NINL: variants seen among roughly 807,000 people sequenced by gnomAD.
NINL encodes ninein like.
NINL carries 153 observed loss-of-function variants against 160.3 expected under a neutral mutation model. That is an observed-to-expected ratio of 0.95 (90% confidence interval 0.84 to 1.09). NINL has a LOEUF of 1.09. Among genes scored for constraint, NINL ranks in the 50% least tolerant of loss-of-function variants. The pLI is 0.00. For missense variants in NINL, 1,829 were observed against 1,764.0 expected, an observed-to-expected ratio of 1.04 and a Z score of -0.66; for synonymous variants, 800 against 734.8, an observed-to-expected ratio of 1.09 and a Z score of -1.43.
At chr20:25,583,830 T>G (rs914342781) in intron 1 of NINL, among the ~76,000 whole-genome samples, 3 of 152,146 alleles carry the variant, frequency 2.0e-5, no homozygotes, top group African/African-American at 7.2e-5. Context: ...TGCAGGGACA[T>G]GCATAAAGTG....
chr20:25,488,288 C>T (rs986980405), intron 13 of NINL, among the ~76,000 whole-genome samples: 16 of 152,086 alleles, frequency 1.1e-4, no homozygotes, highest in Non-Finnish European at 8.8e-5. Flanking sequence ...TACAGTGGTG[C>T]GATCTCGGCT....
In NINL at chr20:25,500,939, G is replaced by T; in HGVS notation, c.933C>A (p.Leu311=). Reference sequence around the variant, plus strand: ...CAGAACCATCGTCAATGCTGGAGAAGAGGCGCAGGCTGGAGCACAGGGACA... The same window carrying T: ...CAGAACCATCGTCAATGCTGGAGAATAGGCGCAGGCTGGAGCACAGGGACA... ...SLVSLCSSLR[L]FSSIDDGSGF... Residue 311 remains leucine (L), a synonymous_variant, in exon 8 of 24, where the codon CTC becomes CTA. Coordinates refer to ENST00000278886, the MANE Select transcript of NINL (RefSeq NM_025176.6). 6.2e-7 allele frequency: 1 copy of T among 1,614,236 alleles called. No individual in the cohort carries two copies. The highest frequency in any genetic ancestry group is 8.5e-7 in the Non-Finnish European group (1 of 1,180,044).
intron 1 of NINL, among the ~76,000 whole-genome samples, chr20:25,544,159 A>G (rs1232427505): frequency 6.9e-6 from 1 of 144,142 alleles, no homozygotes; most frequent in African/African-American, 2.8e-5. Context: ...ACTCACACAT[A>G]TTCTCACTTC....
chr20:25,578,084 G>A (rs1186602151), intron 1 of NINL, among the ~76,000 whole-genome samples: 2 of 149,046 alleles, frequency 1.3e-5, no homozygotes, highest in African/African-American at 2.5e-5. Flanking sequence ...TGCCTGCCTC[G>A]GCCTCCCAAA....
At chr20:25,494,961 G>A (rs1056905974) in intron 10 of NINL, among the ~76,000 whole-genome samples, 4 of 152,194 alleles carry the variant, frequency 2.6e-5, no homozygotes, top group Admixed American at 1.3e-4. Flanking sequence ...ACACACGCAC[G>A]CTCACTGCTG....
At chr20:25,511,450 C>T (rs1327830179) in intron 4 of NINL, among the ~76,000 whole-genome samples, 2 of 152,228 alleles carry the variant, frequency 1.3e-5, no homozygotes, top group Non-Finnish European at 2.9e-5. Context: ...TGTTGTGTGT[C>T]CCCACAACTG....
intron 1 of NINL, among the ~76,000 whole-genome samples, chr20:25,579,073 C>T (rs2147201298): frequency 6.6e-6 from 1 of 152,254 alleles, no homozygotes; most frequent in East Asian, 1.9e-4. Context: ...TAAGTCACAG[C>T]TTTTCTCTAG....
intron 1 of NINL, among the ~76,000 whole-genome samples, chr20:25,572,723 A>G (rs1011764665): frequency 5.9e-5 from 9 of 152,234 alleles, no homozygotes; most frequent in Non-Finnish European, 1.2e-4. Context: ...AAGTTTTTCC[A>G]TGAAATAAGT....
chr20:25,465,044 G>A (rs576311648), intron 19 of NINL, among the ~76,000 whole-genome samples: 140 of 152,352 alleles, frequency 9.2e-4, no homozygotes, highest in African/African-American at 3.1e-3. Flanking sequence ...GATGTCAGCA[G>A]CTGTCTCCTG....
chr20:25,458,312 C>T, intron 22 of NINL, 71 bp downstream of exon 22: 2 of 1,580,856 alleles, frequency 1.3e-6, no homozygotes, highest in Non-Finnish European at 8.6e-7. Context: ...TTCTGGGTAA[C>T]TGAGGACCGG....
chr20:25,468,283 C>T (rs900833612), intron 18 of NINL, among the ~76,000 whole-genome samples: 1 of 151,832 alleles, frequency 6.6e-6, no homozygotes, highest in African/African-American at 2.4e-5. Flanking sequence ...CACCCCCCTG[C>T]TCAGTCCCTT....
At chr20:25,459,993 C>T (rs1347631494) in intron 21 of NINL, among the ~76,000 whole-genome samples, 1 of 152,156 alleles carries the variant, frequency 6.6e-6, no homozygotes, top group Admixed American at 6.5e-5. Context: ...TGAGTGCAGC[C>T]ACCCTTCCTG....
intron 8 of NINL, 22 bp downstream of exon 8, chr20:25,500,818 T>A: frequency 1.2e-6 from 2 of 1,608,470 alleles, no homozygotes; most frequent in Non-Finnish European, 1.7e-6. Context: ...CTGTCCAGCT[T>A]AGGCATCACC....
rs564619834 is a variant in NINL, at chr20:25,537,144, G to A, written c.-11-10546C>T. On this transcript the variant is annotated intron_variant, in intron 1 of 23. Transcript: ENST00000278886. ...CTCTTGTTGGCTGGGGTGCAGTGGC[G>A]TTGATCACGGCTCACTGCATCCTCA... Among the ~76,000 whole-genome samples, 15 of 152,220 alleles carry A rather than the reference G, an allele frequency of 9.9e-5. No homozygotes were observed. The South Asian group carries it at 2.5e-3, about 25-fold the overall frequency.
chr20:25,489,094 A>G, intron 13 of NINL, 150 bp downstream of exon 13: 1 of 738,708 alleles, frequency 1.4e-6, no homozygotes, highest in South Asian at 1.6e-5. Context: ...GGGAACCCTA[A>G]GTCTAGGAGT....
rs1461253676 is a variant in NINL at position 25,453,628 on chromosome 20, C to T, written c.3972G>A (p.Thr1324=). 1.9e-6 allele frequency: 3 copies of T among 1,605,400 alleles called. No homozygotes were observed. The highest frequency in any genetic ancestry group is 1.1e-5 in the South Asian group (1 of 89,848). The change falls in exon 24 of 24, where the codon ACG becomes ACA. Residue 1324 remains threonine (T), a synonymous_variant. Transcript: ENST00000278886. ...GCTCCTTCAGCAGCAGGTCGGACTTCGTGTTCTTTTCAAACTAGAGAGGGG... is the reference window on the plus strand; with the variant it reads ...GCTCCTTCAGCAGCAGGTCGGACTTTGTGTTCTTTTCAAACTAGAGAGGGG... ...DKLKEQFEKN[T]KSDLLLKELY... is the part of the protein sequence containing the mutation.
rs77862813 is a variant in NINL at position 25,496,355 on chromosome 20, C to T, written c.1310+308G>A. On this transcript the variant is annotated intron_variant, in intron 10 of 23. Coordinates refer to ENST00000278886, the MANE Select transcript of NINL (RefSeq NM_025176.6). ...CCACCTGCCTCTTGCATCACAGGCA[C>T]GCAGCTAGGGGCCGAAAGGCTTGGC... is the stretch of plus-strand genomic sequence containing the variant. Among the ~76,000 whole-genome samples the T allele has an allele frequency of 2.7e-3, 415 of 152,264 alleles. 1 individual carries two copies. The highest frequency in any genetic ancestry group is 9.6e-3 in the African/African-American group (397 of 41,546).
chr20:25,488,221 C>T (rs776040118), intron 13 of NINL, among the ~76,000 whole-genome samples: 41 of 152,106 alleles, frequency 2.7e-4, no homozygotes, highest in Non-Finnish European at 4.9e-4. Flanking sequence ...GACTTCCTTG[C>T]GCTCATTCTC....
chr20:25,478,819 G>T, intron 16 of NINL, 104 bp downstream of exon 16: 1 of 1,368,078 alleles, frequency 7.3e-7, no homozygotes, highest in Non-Finnish European at 9.8e-7. Flanking sequence ...AAACCACCCA[G>T]TCGGGAGGCA....
Sources: allele counts gnomAD v4.1 joint callset (sites outside exome capture counted in the v4.1 genomes callset), GRCh38; gene constraint gnomAD v4.1.1; transcripts MANE v1.5; gene names NCBI Gene and HGNC (gene_info 2026-07-23, HGNC 2026-07-21).